The following UBR3 variants were observed in gnomAD, a reference collection of about 807,000 sequenced individuals.
UBR3 encodes the protein E3 ubiquitin-protein ligase UBR3.
UBR3 carries 85 observed loss-of-function variants against 243.2 expected under a neutral mutation model. The ratio of observed to expected loss-of-function variants is 0.35; its 90% CI spans 0.29 to 0.42. The LOEUF is 0.42. Ranked by LOEUF, UBR3 falls within the 10% of genes least tolerant of loss-of-function variation. The pLI is 1.00. For synonymous variants in UBR3, 748 were observed against 799.8 expected (o/e 0.94, Z 1.09); for missense variants, 1,686 against 2,300.8 (o/e 0.73, Z 5.47).
chr2:169,975,657 T>C (rs1256731143), intron 24 of UBR3, among the ~76,000 whole-genome samples: 2 of 152,178 alleles, frequency 1.3e-5, no homozygotes, highest in Non-Finnish European at 2.9e-5. Flanking sequence ...AGAATTGTTG[T>C]ATCCTCTTGT....
Position 169,896,719 on chromosome 2 carries a change from T to G in UBR3, c.1449T>G (p.Ile483Met), listed in dbSNP as rs1231194283. 1 of 1,548,980 alleles carries G rather than the reference T, an allele frequency of 6.5e-7. No individual in the cohort carries two copies. Among genetic ancestry groups the G allele is most frequent in the South Asian group, 1.2e-5 (1 of 83,470 alleles). Residue 483 changes from isoleucine (I) to methionine (M), a missense_variant, in exon 8 of 39, where the codon ATT becomes ATG. Transcript: ENST00000272793. ...VLLYMMESCL[I>M]KSELQDEENS... ...TATACATGATGGAAAGTTGCCTTAT[T>G]AAAAGTGAGCTACAAGGTAACTCAG...
intron 1 of UBR3, among the ~76,000 whole-genome samples, chr2:169,856,076 G>C (rs562764441): frequency 2.6e-5 from 4 of 151,668 alleles, no homozygotes; most frequent in Non-Finnish European, 5.9e-5. Context: ...CTTCCCAGAC[G>C]GGGCGGCTGC....
intron 30 of UBR3, among the ~76,000 whole-genome samples, chr2:170,029,063 G>A (rs913640757): frequency 6.6e-6 from 1 of 152,050 alleles, no homozygotes; most frequent in African/African-American, 2.4e-5. Context: ...AGGCTGCAGC[G>A]TAAAGTCAAG....
At chr2:170,046,216 C>T (rs924752102) in intron 32 of UBR3, among the ~76,000 whole-genome samples, 17 of 152,164 alleles carry the variant, frequency 1.1e-4, no homozygotes, top group Admixed American at 8.5e-4. Context: ...CCACCTGCCT[C>T]GGCCTCCTAA....
Position 169,927,307 on chromosome 2 carries a change from T to G in UBR3, c.2339-13T>G. On this transcript the variant is annotated splice_polypyrimidine_tract_variant and intron_variant, in intron 16 of 38. Transcript: ENST00000272793. ...ATACTCAGATTTGTTAATTCCGTTT[T>G]TAATAATTTTAGGAATGTCTGATGA... 1 of 1,542,580 alleles carries G rather than the reference T, an allele frequency of 6.5e-7. No homozygotes were observed. The highest frequency in any genetic ancestry group is 8.7e-7 in the Non-Finnish European group (1 of 1,143,686).
At chr2:169,890,528 G>GAT (rs2084288723) in intron 5 of UBR3, among the ~76,000 whole-genome samples, 2 of 55,270 alleles carry the variant, frequency 3.6e-5, no homozygotes, top group African/African-American at 1.9e-4. Flanking sequence ...TTTTCTAGGA[G>GAT]AGAGAGAGAG....
Position 170,082,019 on chromosome 2 carries a change from T to C in UBR3, c.*176T>C, listed in dbSNP as rs2091916243. On this transcript the variant is annotated 3_prime_UTR_variant, in exon 39 of 39. Transcript: ENST00000272793. ...GTAATCACGTTAATGGTATAATTTT[T>C]TTTTTTTAATATCTGGAGAACATTA... 2.4e-6 allele frequency: 1 copy of C among 417,414 alleles called. No homozygotes were observed. The highest frequency in any genetic ancestry group is 2.1e-5 in the African/African-American group (1 of 48,696). 25.9% of individuals were successfully genotyped at this position (417,414 alleles called of 1,614,324 possible). A position where few individuals can be genotyped will look rare whatever the true frequency, so the allele number is the denominator to read the frequency against.
intron 1 of UBR3, among the ~76,000 whole-genome samples, chr2:169,832,770 C>T (rs1221713032): frequency 6.6e-6 from 1 of 151,356 alleles, no homozygotes; most frequent in Non-Finnish European, 1.5e-5. Flanking sequence ...CCCATCTCTA[C>T]TAAAAATACA....
At position 169,968,467 on chromosome 2, in the gene UBR3, G is replaced by A. The variant is rs374651676; in HGVS notation, c.3634+9941G>A. ...AGTGATATTTGTCTTTCTGTGCCTCGCTTGTTTCACTTAACATAATGACTT... is the reference window on the plus strand; with the variant it reads ...AGTGATATTTGTCTTTCTGTGCCTCACTTGTTTCACTTAACATAATGACTT... On this transcript the variant is annotated intron_variant, in intron 24 of 38. Coordinates refer to ENST00000272793, the MANE Select transcript of UBR3 (RefSeq NM_172070.4). Among the ~76,000 whole-genome samples the A allele has an allele frequency of 2.4e-4, 36 of 152,066 alleles. No individual in the cohort carries two copies. The South Asian group carries it at 7.5e-3, about 32-fold the overall frequency.
At chr2:169,841,729 C>T (rs918941666) in intron 1 of UBR3, among the ~76,000 whole-genome samples, 6 of 152,248 alleles carry the variant, frequency 3.9e-5, no homozygotes, top group Non-Finnish European at 7.3e-5. Flanking sequence ...GGCCCACCGG[C>T]GCTGTGCTCG....
intron 1 of UBR3, among the ~76,000 whole-genome samples, chr2:169,841,397 C>T (rs971927808): frequency 2.6e-5 from 4 of 152,214 alleles, no homozygotes; most frequent in African/African-American, 7.2e-5. Context: ...CGCTTGCTCT[C>T]GGCACCTCCC....
rs1410587853 is a variant in UBR3, at chr2:170,082,617, C to T, written c.*774C>T. On this transcript the variant is annotated 3_prime_UTR_variant, in exon 39 of 39. Coordinates refer to ENST00000272793, the MANE Select transcript of UBR3 (RefSeq NM_172070.4). ...TGAATTACTAGAGGTAATAACAAATCTTACTATGAAATCAAGAGGTTTAAG... is the reference window on the plus strand; with the variant it reads ...TGAATTACTAGAGGTAATAACAAATTTTACTATGAAATCAAGAGGTTTAAG... 6.6e-6 allele frequency: 1 copy of T among 152,554 alleles called. No individual in the cohort carries two copies. The highest frequency in any genetic ancestry group is 1.5e-5 in the Non-Finnish European group (1 of 68,038). 9.5% of individuals were successfully genotyped at this position (152,554 alleles called of 1,614,324 possible).
At position 170,079,882 on chromosome 2, in the gene UBR3, C is replaced by T; in HGVS notation, c.5268C>T (p.Thr1756=). The change falls in exon 37 of 39, where the codon ACC becomes ACT. Residue 1756 remains threonine (T), a synonymous_variant. Coordinates refer to ENST00000272793, the MANE Select transcript of UBR3 (RefSeq NM_172070.4). Reference sequence around the variant, plus strand: ...TACAGTTGCCTGAGAATTATAACACCATTTTTCAGTACTACCACAGAAAAA... The same window carrying T: ...TACAGTTGCCTGAGAATTATAACACTATTTTTCAGTACTACCACAGAAAAA... ...HLLQLPENYN[T]IFQYYHRKTC... is the part of the protein sequence containing the mutation. The T allele has an allele frequency of 1.9e-6, 3 of 1,614,004 alleles. No individual in the cohort carries two copies. Among genetic ancestry groups the T allele is most frequent in the Non-Finnish European group, 1.7e-6 (2 of 1,179,954 alleles).
At chr2:169,953,892 G>A (rs1232379599) in intron 23 of UBR3, among the ~76,000 whole-genome samples, 6 of 152,204 alleles carry the variant, frequency 3.9e-5, no homozygotes, top group Non-Finnish European at 8.8e-5. Flanking sequence ...TGTCAATGCT[G>A]TTGTTGCTCA....
intron 1 of UBR3, among the ~76,000 whole-genome samples, chr2:169,836,147 G>A (rs2082107072): frequency 7.2e-6 from 1 of 138,048 alleles, no homozygotes. Flanking sequence ...GCAATGGTGC[G>A]ATCTCGGCTC....
chr2:169,922,847 A>G (rs182206305), intron 11 of UBR3, among the ~76,000 whole-genome samples: 67 of 152,290 alleles, frequency 4.4e-4, no homozygotes, highest in Non-Finnish European at 1.9e-4. Context: ...TACATATTGA[A>G]GAGGATATTA....
rs1553500925 is a variant in UBR3, at chr2:169,876,529, C to CTTTAT, written c.844+582_844+586dup. Among the ~76,000 whole-genome samples, 6 of 80,924 alleles carry CTTTAT rather than the reference C, an allele frequency of 7.4e-5. No homozygotes were observed. The South Asian group carries it at 9.7e-4, about 13-fold the overall frequency. 53.1% of individuals were successfully genotyped at this position (80,924 alleles called of 152,430 possible). On this transcript the variant is annotated intron_variant, in intron 3 of 38. Transcript: ENST00000272793. The stretch of plus-strand genomic sequence containing the variant: ...GACATGATAATTATGCTCTGCCTCT[C>CTTTAT]TTTATTGTATTGTATTGTATTGTAT...
chr2:169,927,080 G>A (rs2105347268), intron 16 of UBR3, 109 bp downstream of exon 16: 1 of 1,306,834 alleles, frequency 7.7e-7, no homozygotes, highest in East Asian at 2.5e-5. Context: ...GTAGATAAAT[G>A]TAAACAATGT....
intron 5 of UBR3, among the ~76,000 whole-genome samples, chr2:169,884,342 C>T (rs1429336321): frequency 4.0e-5 from 6 of 151,784 alleles, no homozygotes; most frequent in African/African-American, 9.7e-5. Flanking sequence ...TTAGTAGAGA[C>T]GGGGTTTTTC....
Sources: allele counts gnomAD v4.1 joint callset (sites outside exome capture counted in the v4.1 genomes callset), GRCh38; gene constraint gnomAD v4.1.1; transcripts MANE v1.5; gene names NCBI Gene and HGNC (gene_info 2026-07-23, HGNC 2026-07-21).